TSPAN14: variants seen among roughly 807,000 people sequenced by gnomAD.
TSPAN14 encodes tetraspanin 14, also known as tetraspanin-14.
TSPAN14 carries 16 observed loss-of-function variants against 36.6 expected under a neutral mutation model. The observed-to-expected ratio is 0.44, with a 90% CI of 0.30 to 0.66. TSPAN14 has a LOEUF of 0.66. Ranked by LOEUF, TSPAN14 falls within the 30% of genes least tolerant of loss-of-function variation. TSPAN14 has a pLI of 0.12. For missense variants in TSPAN14, 231 were observed against 355.1 expected (o/e 0.65, Z 2.81); for synonymous variants, 139 against 143.8 (o/e 0.97, Z 0.24).
chr10:80,456,069 C>G (rs1278133453), intron 1 of TSPAN14, among the ~76,000 whole-genome samples: 6 of 152,142 alleles, frequency 3.9e-5, no homozygotes, highest in Non-Finnish European at 8.8e-5. Flanking sequence ...GTTAACAAAG[C>G]ATGGTTGAGA....
intron 1 of TSPAN14, among the ~76,000 whole-genome samples, chr10:80,475,084 C>G (rs964208024): frequency 2.0e-5 from 3 of 152,146 alleles, no homozygotes; most frequent in African/African-American, 7.2e-5. Context: ...CCATCCTCCC[C>G]CTCTGAAGGT....
Position 80,489,251 on chromosome 10 carries a change from C to A in TSPAN14, c.18C>A (p.Tyr6Ter). 6.3e-7 allele frequency: 1 copy of A among 1,584,528 alleles called. No individual in the cohort carries two copies. The highest frequency in any genetic ancestry group is 8.6e-7 in the Non-Finnish European group (1 of 1,163,412). Residue 6 changes from tyrosine to a stop codon, truncating the protein, a stop_gained, in exon 2 of 9, where the codon TAC becomes TAA. Coordinates refer to ENST00000429989, the Ensembl canonical transcript of TSPAN14. LOFTEE classifies it high-confidence loss of function. ...CTCAGAAGATGCACTATTATAGATA[C>A]TCTAACGCCAAGGTCAGCTGCTGGT...
intron 2 of TSPAN14, among the ~76,000 whole-genome samples, chr10:80,494,002 A>G (rs1181288091): frequency 2.0e-5 from 3 of 152,260 alleles, no homozygotes; most frequent in African/African-American, 7.2e-5. Flanking sequence ...TTTAATCTGC[A>G]TGCAGAGGTT....
intron 1 of TSPAN14, among the ~76,000 whole-genome samples, chr10:80,485,326 GTCATTTTGGGAA>G (rs1564725881): frequency 5.9e-5 from 9 of 152,164 alleles, no homozygotes. Context: ...AGGGACCATG[GTCATTTTGGGAA>G]TCATTTTGGG....
intron 1 of TSPAN14, among the ~76,000 whole-genome samples, chr10:80,470,328 A>G (rs1846474569): frequency 6.6e-6 from 1 of 152,154 alleles, no homozygotes; most frequent in Non-Finnish European, 1.5e-5. Context: ...CAGGTGATCC[A>G]CCTGCCTCCC....
At chr10:80,519,278 G>C (rs1841120932) in exon 9 of TSPAN14, 2 of 152,802 alleles carry the variant, frequency 1.3e-5, no homozygotes, top group South Asian at 4.1e-4. Context: ...TGGGATATCG[G>C]TGATCACTGG....
At chr10:80,489,156 G>C (rs1435925119) in intron 1 of TSPAN14, 61 bp from the exon 2 acceptor site, 12 of 1,152,700 alleles carry the variant, frequency 1.0e-5, no homozygotes, top group Non-Finnish European at 1.5e-5. Flanking sequence ...ATATGAGCTG[G>C]TTTGGGGGAA....
intron 1 of TSPAN14, among the ~76,000 whole-genome samples, chr10:80,472,933 G>T (rs1386517739): frequency 6.6e-6 from 1 of 152,114 alleles, no homozygotes; most frequent in East Asian, 1.9e-4. Context: ...TATGATTCTG[G>T]AGGCAGCTCC....
chr10:80,516,003 G>A (rs1215462896), intron 7 of TSPAN14: 1 of 677,894 alleles, frequency 1.5e-6, no homozygotes, highest in African/African-American at 1.8e-5. Flanking sequence ...GGTCAGACAG[G>A]TGGTGCGATG....
intron 1 of TSPAN14, among the ~76,000 whole-genome samples, chr10:80,474,879 A>G (rs1846769110): frequency 1.3e-5 from 2 of 152,152 alleles, no homozygotes; most frequent in African/African-American, 4.8e-5. Flanking sequence ...GTATATAAAA[A>G]ATGAGACTCT....
In TSPAN14 at chr10:80,516,297, G is replaced by A. The variant is rs544427528; in HGVS notation, c.715G>A (p.Val239Ile). Residue 239 changes from valine to isoleucine, a missense_variant, in exon 8 of 9, where the codon GTC (valine) becomes ATC (isoleucine). Val to Ile is a conservative substitution (Grantham distance 29). Transcript: ENST00000429989. ...GCGGAACATTTACATTGTGGCTGGCGTCTTCATCGCCATCTCGCTGTTGCA... is the reference window on the plus strand; with the variant it reads ...GCGGAACATTTACATTGTGGCTGGCATCTTCATCGCCATCTCGCTGTTGCA... The A allele has an allele frequency of 3.6e-5, 58 of 1,614,128 alleles. No homozygotes were observed. The highest frequency in any genetic ancestry group is 4.7e-5 in the Non-Finnish European group (55 of 1,180,058).
intron 1 of TSPAN14, among the ~76,000 whole-genome samples, chr10:80,454,849 G>T (rs976851596): frequency 1.3e-5 from 2 of 152,168 alleles, no homozygotes; most frequent in Non-Finnish European, 2.9e-5. Context: ...GGTCCGGGGT[G>T]GGGGTGGGCG....
chr10:80,495,756 A>C (rs912979339), intron 2 of TSPAN14, among the ~76,000 whole-genome samples: 3 of 152,220 alleles, frequency 2.0e-5, no homozygotes, highest in Non-Finnish European at 4.4e-5. Flanking sequence ...AATCCTTTTT[A>C]TAATGATCAC....
intron 2 of TSPAN14, among the ~76,000 whole-genome samples, chr10:80,491,412 C>T (rs1034302374): frequency 1.3e-5 from 2 of 152,148 alleles, no homozygotes; most frequent in Non-Finnish European, 2.9e-5. Context: ...GTTCGCTGGG[C>T]TAGGCAGGCA....
chr10:80,479,366 C>T (rs1355696702), intron 1 of TSPAN14, among the ~76,000 whole-genome samples: 1 of 151,672 alleles, frequency 6.6e-6, no homozygotes, highest in Admixed American at 6.6e-5. Context: ...AAGTCCTTGC[C>T]CATGCCTATG....
intron 7 of TSPAN14, 133 bp from the exon 8 acceptor site, chr10:80,516,071 G>A (rs1196674208): frequency 2.9e-6 from 4 of 1,383,786 alleles, no homozygotes; most frequent in Non-Finnish European, 4.0e-6. Context: ...CTCCTGGAGA[G>A]TCCTCCTTGC....
At chr10:80,519,600 A>G (rs1033457584) in exon 9 of TSPAN14, 1 of 151,528 alleles carries the variant, frequency 6.6e-6, no homozygotes, top group Non-Finnish European at 1.5e-5. Context: ...TTGACTGCCA[A>G]ACTCTTTTAT....
At chr10:80,470,577 T>C (rs1846490460) in intron 1 of TSPAN14, among the ~76,000 whole-genome samples, 1 of 152,284 alleles carries the variant, frequency 6.6e-6, no homozygotes, top group Non-Finnish European at 1.5e-5. Context: ...TAAACTCTCT[T>C]ATGTAGTTTC....
At chr10:80,473,543 A>G (rs1846677597) in intron 1 of TSPAN14, among the ~76,000 whole-genome samples, 1 of 151,950 alleles carries the variant, frequency 6.6e-6, no homozygotes, top group Non-Finnish European at 1.5e-5. Context: ...CACCTTCCCC[A>G]CACTGTGCCA....
Sources: gnomAD v4.1 joint callset for allele counts (sites outside exome capture counted in the v4.1 genomes callset) on GRCh38, gnomAD v4.1.1 for gene constraint, MANE v1.5 for transcripts, NCBI Gene and HGNC (gene_info 2026-07-23, HGNC 2026-07-21) for gene names.